The following TYK2 variants were observed in gnomAD, a reference collection of about 807,000 sequenced individuals.
TYK2 encodes non-receptor tyrosine-protein kinase TYK2.
TYK2 carries 65 observed loss-of-function variants against 130.9 expected under a neutral mutation model. The observed-to-expected ratio is 0.50, with a 90% CI of 0.41 to 0.61. The LOEUF (loss-of-function observed/expected upper bound fraction) is 0.61, where lower values mean the gene tolerates loss of function less well. TYK2 is among the 20% of genes least tolerant of loss of function. The pLI, the probability that TYK2 is intolerant of heterozygous loss-of-function variation, is 0.00. For missense variants in TYK2, 1,378 were observed against 1,610.7 expected (o/e 0.86, Z 2.47); for synonymous variants, 647 against 658.9 (o/e 0.98, Z 0.28).
chr19:10,353,498 G>C lies in TYK2; in HGVS notation c.3027+30C>G. ...GCCCAAGCTGAAGAGGAAGGGGCAAGCTCCAGAAGCAGGGGCGGGGCCGAC... is the reference window on the plus strand; with the variant it reads ...GCCCAAGCTGAAGAGGAAGGGGCAACCTCCAGAAGCAGGGGCGGGGCCGAC... On this transcript the variant is annotated intron_variant, in intron 21 of 24. Transcript: ENST00000525621. The surrounding 1 kb of genome is among the most constrained non-coding windows in gnomAD (Gnocchi z 6.9). The C allele has an allele frequency of 2.8e-6, 4 of 1,449,844 alleles. No homozygotes were observed. Among genetic ancestry groups the C allele is most frequent in the Non-Finnish European group, 3.7e-6 (4 of 1,085,406 alleles). 89.8% of individuals were successfully genotyped at this position (1,449,844 alleles called of 1,614,324 possible).
rs369633241 is a variant in TYK2, at chr19:10,351,010, C to T, written c.3429+42G>A. 77 of 1,614,168 alleles carry T rather than the reference C, an allele frequency of 4.8e-5. 1 individual carries two copies. The highest frequency in any genetic ancestry group is 1.3e-4 in the East Asian group (6 of 44,876). On this transcript the variant is annotated intron_variant, in intron 24 of 24. Transcript: ENST00000525621. ...GGGCTGGTGGGGGCTGCCCTCTCCA[C>T]AGCAGGATAGTGGGGTCAGGGAAAG... is the stretch of plus-strand genomic sequence containing the variant.
chr19:10,366,464 G>A lies in TYK2; in HGVS notation c.582C>T (p.Leu194=), dbSNP rs147934502. 4.3e-5 allele frequency: 70 copies of A among 1,614,092 alleles called. No homozygotes were observed. The highest frequency in any genetic ancestry group is 1.9e-4 in the South Asian group (17 of 91,078). Residue 194 remains leucine, a synonymous_variant, in exon 6 of 25, where the codon CTC becomes CTT. Transcript: ENST00000525621. ...LGMAFLHLCH[L]ALRHGIPLEE... is the part of the protein sequence containing the mutation. The stretch of plus-strand genomic sequence containing the variant: ...CCAGGGGGATGCCATGGCGGAGAGC[G>A]AGGTGACAGAGGTGCAGAAAGGCCA...
intron 15 of TYK2, among the ~76,000 whole-genome samples, 194 bp from the exon 16 acceptor site, chr19:10,358,332 ACT>A (rs1446877977): frequency 8.4e-6 from 1 of 118,862 alleles, no homozygotes; most frequent in East Asian, 2.3e-4. Flanking sequence ...ACAGGGTCTC[ACT>A]CTGTCTCTCA....
At chr19:10,365,384 C>T (rs534637056) in intron 7 of TYK2, 133 bp downstream of exon 7, 43 of 1,382,938 alleles carry the variant, frequency 3.1e-5, no homozygotes, top group Middle Eastern at 2.1e-4. Context: ...CTGGCCCTAG[C>T]GGACAGGTGC....
chr19:10,351,303 A>G (rs1189114883), intron 23 of TYK2, 141 bp from the exon 24 acceptor site: 4 of 640,586 alleles, frequency 6.2e-6, no homozygotes, highest in African/African-American at 3.6e-5. Flanking sequence ...CCTGGCCAAC[A>G]TGGTGAAACC....
intron 14 of TYK2, among the ~76,000 whole-genome samples, chr19:10,360,342 T>A (rs1416454385): frequency 1.3e-5 from 2 of 151,114 alleles, no homozygotes; most frequent in African/African-American, 2.4e-5. Context: ...AAAAAATTTT[T>A]AAAAATCAGC....
Position 10,359,318 on chromosome 19 carries a change from T to C in TYK2, c.2048-16A>G, listed in dbSNP as rs1228753840. On this transcript the variant is annotated splice_polypyrimidine_tract_variant and intron_variant, in intron 14 of 24. Transcript: ENST00000525621. ...ACCATGATATCTGTAAAGACACAGC[T>C]GCTCTGGGGCAACCTGCCTGCTTCT... The C allele has an allele frequency of 6.2e-7, 1 of 1,609,306 alleles. No individual in the cohort carries two copies. Among genetic ancestry groups the C allele is most frequent in the Non-Finnish European group, 8.5e-7 (1 of 1,179,758 alleles).
Position 10,354,075 on chromosome 19 carries a change from T to C in TYK2, c.2875A>G (p.Ile959Val). 1 of 1,614,132 alleles carries C rather than the reference T, an allele frequency of 6.2e-7. No individual in the cohort carries two copies. The highest frequency in any genetic ancestry group is 8.5e-7 in the Non-Finnish European group (1 of 1,180,022). Residue 959 changes from isoleucine to valine, a missense_variant, in exon 20 of 25, where the codon ATC (isoleucine) becomes GTC (valine). Coordinates refer to ENST00000525621, the MANE Select transcript of TYK2 (RefSeq NM_003331.5). ...DILRTLYHEH[I>V]IKYKGCCEDQ... ...TCGCAGCAGCCCTTGTACTTGATGA[T>C]GTGCTCGTGGTAGAGCGTGCGCAGA...
At position 10,350,771 on chromosome 19, in the gene TYK2, C is replaced by A. The variant is rs185435731; in HGVS notation, c.*63G>T. 6.3e-7 allele frequency: 1 copy of A among 1,599,410 alleles called. No homozygotes were observed. Among genetic ancestry groups the A allele is most frequent in the South Asian group, 1.1e-5 (1 of 90,582 alleles). ...CTTGGTTTCATCCTGGAGCAGGGAG[C>A]AGGAGGCTCCCTCTGCAGCCACTGC... On this transcript the variant is annotated 3_prime_UTR_variant, in exon 25 of 25. Coordinates refer to ENST00000525621, the MANE Select transcript of TYK2 (RefSeq NM_003331.5).
In TYK2 at chr19:10,378,499, C is replaced by T. The variant is rs567539642; in HGVS notation, c.-20-73G>A. On this transcript the variant is annotated intron_variant, in intron 2 of 24. Transcript: ENST00000525621. ...CCTGTTAGCTCTTCAACCTTCCACC[C>T]ACCCCAGCTAAGGCCTGAGGGGAAG... is the stretch of plus-strand genomic sequence containing the variant. The T allele has an allele frequency of 2.8e-5, 36 of 1,265,610 alleles. No individual in the cohort carries two copies. The African/African-American group carries it at 3.7e-4, about 13-fold the overall frequency. The allele number at this position is 1,265,610 out of a possible 1,614,324, so 78.4% of individuals were successfully genotyped here. A position where few individuals can be genotyped will look rare whatever the true frequency, so the allele number is the denominator to read the frequency against.
rs924698921 is a variant in TYK2, at chr19:10,364,977, T to A, written c.1083A>T (p.Ala361=). 1 of 1,613,996 alleles carries A rather than the reference T, an allele frequency of 6.2e-7. No individual in the cohort carries two copies. The highest frequency in any genetic ancestry group is 8.5e-7 in the Non-Finnish European group (1 of 1,179,986). ...LFGKKAKAHK[A]VGQPADRPRE... is the part of the protein sequence containing the mutation. The stretch of plus-strand genomic sequence containing the variant: ...GCGGCCTGTCTGCCGGCTGGCCGAC[T>A]GCCTTGTGAGCCTTGGCCTTCTTCC... Residue 361 remains alanine (A), a synonymous_variant, in exon 8 of 25, where the codon GCA becomes GCT. Coordinates refer to ENST00000525621, the MANE Select transcript of TYK2 (RefSeq NM_003331.5). The surrounding 1 kb of genome is among the most constrained non-coding windows in gnomAD (Gnocchi z 4.9).
At position 10,364,751 on chromosome 19, in the gene TYK2, C is replaced by T. The variant is rs751738144; in HGVS notation, c.1230G>A (p.Arg410=). 6.2e-7 allele frequency: 1 copy of T among 1,613,940 alleles called. No individual in the cohort carries two copies. Among genetic ancestry groups the T allele is most frequent in the Non-Finnish European group, 8.5e-7 (1 of 1,180,000 alleles). ...NKCLELSLPS[R]AAALSFVSLV... is the part of the protein sequence containing the mutation. ...GCGACACGAAGGACAGCGCCGCAGCCCGGGAAGGCAAGCTCAGCTCCTGCC... is the reference window on the plus strand; with the variant it reads ...GCGACACGAAGGACAGCGCCGCAGCTCGGGAAGGCAAGCTCAGCTCCTGCC... Residue 410 remains arginine (R), a synonymous_variant, in exon 9 of 25, where the codon CGG becomes CGA. Coordinates refer to ENST00000525621, the MANE Select transcript of TYK2 (RefSeq NM_003331.5). The surrounding 1 kb of genome is among the most constrained non-coding windows in gnomAD (Gnocchi z 4.9).
chr19:10,353,674 G>A lies in TYK2; in HGVS notation c.2909-28C>T. 1 of 1,456,460 alleles carries A rather than the reference G, an allele frequency of 6.9e-7. No individual in the cohort carries two copies. The highest frequency in any genetic ancestry group is 9.1e-7 in the Non-Finnish European group (1 of 1,098,584). 90.2% of individuals were successfully genotyped at this position (1,456,460 alleles called of 1,614,324 possible). On this transcript the variant is annotated intron_variant, in intron 20 of 24. Coordinates refer to ENST00000525621, the MANE Select transcript of TYK2 (RefSeq NM_003331.5). This position sits in a 1 kb window ranked among gnomAD's most constrained non-coding sequence, Gnocchi z 6.9. Reference sequence around the variant, plus strand: ...GCCGCGGAGAGGGGCGGCCCCGGTGGGGGACGATAGAGGGCGGGCCGGGGA... The same window carrying A: ...GCCGCGGAGAGGGGCGGCCCCGGTGAGGGACGATAGAGGGCGGGCCGGGGA...
At chr19:10,356,095 G>C (rs7258615) in intron 18 of TYK2, among the ~76,000 whole-genome samples, 14,048 of 148,438 alleles carry the variant, frequency 0.095, 693 homozygotes, top group Middle Eastern at 0.18. Context: ...AAACATTAAG[G>C]AGGCCAGGCG....
chr19:10,371,543 G>A (rs1268531151), intron 3 of TYK2, among the ~76,000 whole-genome samples: 1 of 152,074 alleles, frequency 6.6e-6, no homozygotes, highest in Non-Finnish European at 1.5e-5. Context: ...GGGAGGCTGA[G>A]GCAGGAGAAT....
Position 10,357,801 on chromosome 19 carries a change from T to A in TYK2, c.2429A>T (p.Asp810Val), listed in dbSNP as rs371070470. 8.2e-5 allele frequency: 132 copies of A among 1,613,178 alleles called. No homozygotes were observed. Among genetic ancestry groups the A allele is most frequent in the Non-Finnish European group, 1.1e-4 (124 of 1,179,834 alleles). Residue 810 changes from aspartate (D) to valine (V), a missense_variant, in exon 17 of 25, where the codon GAC becomes GTC. Physicochemically the swap from Asp to Val is radical, Grantham distance 152. Coordinates refer to ENST00000525621, the MANE Select transcript of TYK2 (RefSeq NM_003331.5). ...FGATLLEICF[D>V]GEAPLQSRSP... Reference sequence around the variant, plus strand: ...GCGGCTCTGCAGAGGGGCCTCTCCGTCAAAGCAGATCTCCAGGAGGGTGGC... The same window carrying A: ...GCGGCTCTGCAGAGGGGCCTCTCCGACAAAGCAGATCTCCAGGAGGGTGGC...
At chr19:10,378,082 A>ATGGATGGATGGATGGATGAG in intron 3 of TYK2, 132 bp downstream of exon 3, 1 of 759,812 alleles carries the variant, frequency 1.3e-6, no homozygotes, top group Non-Finnish European at 2.0e-6. Flanking sequence ...GGATGGGTGG[A>ATGGATGGATGGATGGATGAG]TGGATGGATG....
At chr19:10,377,392 GTGGGTGGGTGGA>G (rs1568346227) in intron 3 of TYK2, among the ~76,000 whole-genome samples, 1 of 111,870 alleles carries the variant, frequency 8.9e-6, no homozygotes, top group Non-Finnish European at 1.9e-5. Flanking sequence ...GAATAGGTGG[GTGGGTGGGTGGA>G]TGGATGGATG....
chr19:10,353,842 A>C lies in TYK2; in HGVS notation c.2909-196T>G, dbSNP rs1599328409. 2 of 711,954 alleles carry C rather than the reference A, an allele frequency of 2.8e-6. No homozygotes were observed. Among genetic ancestry groups the C allele is most frequent in the Admixed American group, 5.0e-5 (2 of 40,314 alleles). The allele number at this position is 711,954 out of a possible 1,614,324, so 44.1% of individuals were successfully genotyped here. A position where few individuals can be genotyped will look rare whatever the true frequency, so the allele number is the denominator to read the frequency against. ...AGGGAGCTGCTGGTGGCTCCCGTCC[A>C]TCCTGGCCCCAGCAGGTAGCACCCC... On this transcript the variant is annotated intron_variant, in intron 20 of 24. Transcript: ENST00000525621. The surrounding 1 kb of genome is among the most constrained non-coding windows in gnomAD (Gnocchi z 6.9).
Sources: gnomAD v4.1 joint callset for allele counts (sites outside exome capture counted in the v4.1 genomes callset) on GRCh38, gnomAD v4.1.1 for gene constraint, Gnocchi (gnomAD v3.1) non-coding constraint, MANE v1.5 for transcripts, NCBI Gene and HGNC (gene_info 2026-07-23, HGNC 2026-07-21) for gene names.